Variants in AK9 observed in about 807,000 individuals in gnomAD.
AK9 encodes the protein adenylate kinase domain containing 1.
AK9 carries 191 observed loss-of-function variants against 239.6 expected under a neutral mutation model. The observed-to-expected ratio is 0.80, with a 90% CI of 0.71 to 0.90. The LOEUF is 0.90. AK9 is among the 40% of genes least tolerant of loss of function. AK9 has a pLI of 0.00. For synonymous variants in AK9, 689 were observed against 721.0 expected (o/e 0.96, Z 0.71); for missense variants, 1,995 against 2,214.7 (o/e 0.90, Z 1.99).
chr6:109,521,808 T>C (rs750758678), intron 29 of AK9, among the ~76,000 whole-genome samples: 1 of 152,082 alleles, frequency 6.6e-6, no homozygotes, highest in Non-Finnish European at 1.5e-5. Flanking sequence ...TTATTCAAAA[T>C]CATGCTACAA....
chr6:109,651,185 A>G (rs2128303420), intron 8 of AK9, among the ~76,000 whole-genome samples: 1 of 152,136 alleles, frequency 6.6e-6, no homozygotes, highest in Non-Finnish European at 1.5e-5. Flanking sequence ...TACATATGTA[A>G]CAAACCTGCA....
At chr6:109,578,589 T>C (rs1015334067) in intron 20 of AK9, among the ~76,000 whole-genome samples, 4 of 152,084 alleles carry the variant, frequency 2.6e-5, no homozygotes, top group African/African-American at 9.7e-5. Context: ...CGGGTTTGGG[T>C]TTGGGTTGTT....
rs369191317 is a variant in AK9, at chr6:109,672,010, T to C, written c.240A>G (p.Gln80=). ...TGCTTTGACCGCTGATCAACATTGA[T>C]TGCAACTAAGGACAAGCATAGATAT... is the stretch of plus-strand genomic sequence containing the variant. The part of the protein sequence containing the change: ...AAETESGVML[Q]SMLISGQSIP... Residue 80 remains glutamine (Q), a synonymous_variant, in exon 5 of 41, where the codon CAA becomes CAG. Coordinates refer to ENST00000424296, the MANE Select transcript of AK9 (RefSeq NM_001145128.3). 11 of 1,613,830 alleles carry C rather than the reference T, an allele frequency of 6.8e-6. No individual in the cohort carries two copies. Among genetic ancestry groups the C allele is most frequent in the Non-Finnish European group, 9.3e-6 (11 of 1,179,912 alleles).
chr6:109,524,942 G>A (rs564574683), intron 29 of AK9, among the ~76,000 whole-genome samples: 6 of 152,228 alleles, frequency 3.9e-5, no homozygotes, highest in East Asian at 1.9e-4. Context: ...ACTAAAAAAC[G>A]AAGCATAGAG....
At chr6:109,540,499 G>A (rs1420686454) in intron 27 of AK9, among the ~76,000 whole-genome samples, 5 of 152,182 alleles carry the variant, frequency 3.3e-5, no homozygotes. Flanking sequence ...GGTGCCATCT[G>A]TCACAGCTTC....
intron 17 of AK9, among the ~76,000 whole-genome samples, chr6:109,602,223 T>G (rs1037566969): frequency 3.3e-5 from 5 of 152,226 alleles, no homozygotes; most frequent in Non-Finnish European, 7.3e-5. Flanking sequence ...GGTTGTTCCT[T>G]TCCATGTTTA....
chr6:109,679,151 T>A (rs909059890), intron 1 of AK9, among the ~76,000 whole-genome samples: 3 of 152,026 alleles, frequency 2.0e-5, no homozygotes, highest in Non-Finnish European at 4.4e-5. Flanking sequence ...GGGAGCCAAG[T>A]GGTCTAGCTC....
chr6:109,592,532 C>T (rs1276540657), intron 17 of AK9, among the ~76,000 whole-genome samples: 2 of 151,378 alleles, frequency 1.3e-5, no homozygotes, highest in African/African-American at 4.9e-5. Flanking sequence ...CTGCAAGCTC[C>T]ACCTCCCAGG....
chr6:109,575,432 G>C (rs1583073462), intron 20 of AK9, among the ~76,000 whole-genome samples: 1 of 152,120 alleles, frequency 6.6e-6, no homozygotes, highest in African/African-American at 2.4e-5. Context: ...GATAATTAGT[G>C]ATGTTGAGCA....
intron 1 of AK9, among the ~76,000 whole-genome samples, chr6:109,688,258 C>T (rs778935907): frequency 1.6e-4 from 25 of 152,078 alleles, no homozygotes; most frequent in South Asian, 4.1e-4. Context: ...GGTACAACCC[C>T]TTTAGGAGAC....
intron 38 of AK9, 79 bp downstream of exon 38, chr6:109,497,386 A>T (rs2024851): frequency 0.43 from 191,516 of 443,636 alleles, 34,576 homozygotes; most frequent in East Asian, 0.62. Flanking sequence ...TCTCTCTCTC[A>T]CACACTCCTC....
intron 20 of AK9, 43 bp downstream of exon 20, chr6:109,579,507 A>G (rs1048677114): frequency 2.7e-5 from 41 of 1,513,210 alleles, no homozygotes; most frequent in Admixed American, 1.4e-4. Context: ...GCTTGCAGTA[A>G]CAATACCATG....
Position 109,585,930 on chromosome 6 carries a change from T to C in AK9, c.1985A>G (p.Asp662Gly), listed in dbSNP as rs1437905432. ...TATTTACCAACCATTGTTTTCTGTATCTGATAAATAGATGACCAAATCAGG... is the reference window on the plus strand; with the variant it reads ...TATTTACCAACCATTGTTTTCTGTACCTGATAAATAGATGACCAAATCAGG... ...IIPDLVIYLS[D>G]TENNGKCLFN... is the part of the protein sequence containing the mutation. The change falls in exon 18 of 41, where the codon GAT (aspartate) becomes GGT (glycine). Residue 662 changes from aspartate (D) to glycine (G), a missense_variant. By Grantham distance (94) the Asp-to-Gly change is moderately conservative. Around this residue, in one of 5 missense-constraint regions of AK9, gnomAD observed 1,290 missense variants for 1,392.7 expected, o/e 0.93. Transcript: ENST00000424296. 1 of 1,537,400 alleles carries C rather than the reference T, an allele frequency of 6.5e-7. No homozygotes were observed. Among genetic ancestry groups the C allele is most frequent in the Non-Finnish European group, 8.8e-7 (1 of 1,142,828 alleles).
intron 1 of AK9, among the ~76,000 whole-genome samples, chr6:109,681,007 A>G (rs912170028): frequency 6.6e-6 from 1 of 152,232 alleles, no homozygotes; most frequent in Non-Finnish European, 1.5e-5. Context: ...CAAATTGTAA[A>G]GAACATCGAC....
intron 12 of AK9, among the ~76,000 whole-genome samples, chr6:109,628,249 G>A (rs1384446132): frequency 6.6e-6 from 1 of 152,156 alleles, no homozygotes; most frequent in East Asian, 1.9e-4. Flanking sequence ...ACCTGTAGGA[G>A]CCATCCTTTG....
intron 17 of AK9, among the ~76,000 whole-genome samples, chr6:109,590,729 C>T (rs943473452): frequency 6.6e-6 from 1 of 152,040 alleles, no homozygotes; most frequent in Non-Finnish European, 1.5e-5. Context: ...TGTCTATTTT[C>T]ATCTGTTTCA....
intron 10 of AK9, 108 bp from the exon 11 acceptor site, chr6:109,633,431 A>G: frequency 7.9e-7 from 1 of 1,261,622 alleles, no homozygotes; most frequent in East Asian, 2.7e-5. Flanking sequence ...TTTAAGAAAT[A>G]ATTTAAAAAG....
Position 109,493,130 on chromosome 6 carries a change from A to G in AK9, c.*239T>C. 1 of 350,794 alleles carries G rather than the reference A, an allele frequency of 2.9e-6. No individual in the cohort carries two copies. Among genetic ancestry groups the G allele is most frequent in the South Asian group, 8.2e-5 (1 of 12,138 alleles). The allele number at this position is 350,794 out of a possible 1,614,324, so 21.7% of individuals were successfully genotyped here. ...ATAAATAGAATGTTTATTTTGTTAAAGCATCAAAGTTCAGGCAAAGAGCAA... is the reference window on the plus strand; with the variant it reads ...ATAAATAGAATGTTTATTTTGTTAAGGCATCAAAGTTCAGGCAAAGAGCAA... On this transcript the variant is annotated 3_prime_UTR_variant, in exon 41 of 41. Transcript: ENST00000424296.
chr6:109,648,413 C>G (rs1798391846), intron 8 of AK9, among the ~76,000 whole-genome samples: 1 of 152,120 alleles, frequency 6.6e-6, no homozygotes, highest in African/African-American at 2.4e-5. Context: ...GGGGATATCA[C>G]CACCAATCCC....
Sources: gnomAD v4.1 joint callset for allele counts (sites outside exome capture counted in the v4.1 genomes callset) on GRCh38, gnomAD v4.1.1 for gene constraint, gnomAD v4.1.1 regional missense constraint, MANE v1.5 for transcripts, NCBI Gene and HGNC (gene_info 2026-07-23, HGNC 2026-07-21) for gene names.